AGBL4: variants seen among roughly 807,000 people sequenced by gnomAD.
AGBL4 encodes the protein AGBL carboxypeptidase 4, also known as cytosolic carboxypeptidase 6.
In AGBL4, 58 loss-of-function variants were observed where a neutral mutation model predicts 66.4. That is an observed-to-expected ratio of 0.87 (90% CI 0.71 to 1.09). The LOEUF (loss-of-function observed/expected upper bound fraction) is 1.09, where lower values mean the gene tolerates loss of function less well. Ranked by LOEUF, AGBL4 falls within the 50% of genes least tolerant of loss-of-function variation. The probability of loss-of-function intolerance (pLI) is 0.00; values close to 1 mark genes in which losing one functional copy is unlikely to be tolerated. For missense variants in AGBL4, 579 were observed against 631.0 expected, an observed-to-expected ratio of 0.92 and a Z score of 0.88; for synonymous variants, 234 against 222.9, an observed-to-expected ratio of 1.05 and a Z score of -0.44.
At chr1:48,875,960 T>C (rs1258088647) in intron 5 of AGBL4, among the ~76,000 whole-genome samples, 1 of 152,160 alleles carries the variant, frequency 6.6e-6, no homozygotes, top group Non-Finnish European at 1.5e-5. Flanking sequence ...GGGAAAAATC[T>C]TGGCTTATTC....
intron 6 of AGBL4, among the ~76,000 whole-genome samples, chr1:48,836,037 C>A (rs1480115056): frequency 1.3e-5 from 2 of 151,880 alleles, no homozygotes; most frequent in Non-Finnish European, 2.9e-5. Flanking sequence ...ACGAGTGGTT[C>A]CAGGGACACC....
At chr1:49,733,694 C>T (rs1649635980) in intron 2 of AGBL4, among the ~76,000 whole-genome samples, 1 of 152,062 alleles carries the variant, frequency 6.6e-6, no homozygotes. Context: ...GAGGACTCTG[C>T]CTTCATTAAT....
intron 3 of AGBL4, among the ~76,000 whole-genome samples, chr1:49,349,416 T>C (rs553220820): frequency 6.6e-6 from 1 of 152,300 alleles, no homozygotes; most frequent in African/African-American, 2.4e-5. Flanking sequence ...CCAGGTTCTT[T>C]CCTCCCTTGT....
chr1:49,550,994 T>A (rs1456019434), intron 3 of AGBL4, among the ~76,000 whole-genome samples: 4 of 152,134 alleles, frequency 2.6e-5, no homozygotes, highest in African/African-American at 9.7e-5. Flanking sequence ...TGTTCGGATT[T>A]TCTTATTCTT....
intron 1 of AGBL4, among the ~76,000 whole-genome samples, chr1:49,977,470 TC>T (rs1658663962): frequency 6.6e-6 from 1 of 152,234 alleles, no homozygotes; most frequent in Non-Finnish European, 1.5e-5. Flanking sequence ...TATCAATCAA[TC>T]AACACCATTC....
intron 4 of AGBL4, among the ~76,000 whole-genome samples, chr1:49,211,914 C>T (rs753870374): frequency 6.6e-6 from 1 of 152,108 alleles, no homozygotes; most frequent in Non-Finnish European, 1.5e-5. Flanking sequence ...CTACCATTTG[C>T]TACACGACTA....
chr1:48,700,318 A>G (rs1285994606), intron 6 of AGBL4, among the ~76,000 whole-genome samples: 1 of 152,228 alleles, frequency 6.6e-6, no homozygotes, highest in Non-Finnish European at 1.5e-5. Flanking sequence ...TATCCTGTCC[A>G]TGATGCTCCT....
At position 49,816,582 on chromosome 1, in the gene AGBL4, C is replaced by T. The variant is rs974314222; in HGVS notation, c.157+34814G>A. 1.4e-4 allele frequency among the ~76,000 whole-genome samples: 22 copies of T among 152,070 alleles called. 1 individual carries two copies. Among genetic ancestry groups the T allele is most frequent in the African/African-American group, 2.4e-5 (1 of 41,404 alleles). ...TAGAGGGCAAGGGTTCAGGCAATAA[C>T]CTACGCTTGAAGAGATACTAATTCT... is the stretch of plus-strand genomic sequence containing the variant. On this transcript the variant is annotated intron_variant, in intron 2 of 13. Coordinates refer to ENST00000371839, the MANE Select transcript of AGBL4 (RefSeq NM_032785.4).
intron 1 of AGBL4, among the ~76,000 whole-genome samples, chr1:49,907,864 G>A (rs183659650): frequency 2.0e-5 from 3 of 152,106 alleles, no homozygotes; most frequent in Non-Finnish European, 4.4e-5. Flanking sequence ...CACTTTTCTG[G>A]AGGATGTTGA....
At chr1:48,864,790 T>C (rs571713138) in intron 6 of AGBL4, among the ~76,000 whole-genome samples, 1 of 152,180 alleles carries the variant, frequency 6.6e-6, no homozygotes, top group African/African-American at 2.4e-5. Flanking sequence ...CAAAGATGTA[T>C]TAGGAAGGAG....
At chr1:48,851,108 C>T (rs1486388402) in intron 6 of AGBL4, among the ~76,000 whole-genome samples, 1 of 151,710 alleles carries the variant, frequency 6.6e-6, no homozygotes, top group African/African-American at 2.4e-5. Context: ...ATTATTATCG[C>T]CCCCTGCAGT....
intron 1 of AGBL4, among the ~76,000 whole-genome samples, chr1:49,999,687 T>C (rs1660609534): frequency 6.6e-6 from 1 of 151,496 alleles, no homozygotes; most frequent in African/African-American, 2.4e-5. Context: ...AACTATATCA[T>C]AAGGCCAAAA....
intron 1 of AGBL4, among the ~76,000 whole-genome samples, chr1:49,915,230 A>C (rs973908058): frequency 6.6e-6 from 1 of 152,096 alleles, no homozygotes; most frequent in African/African-American, 2.4e-5. Context: ...CATGTTGGAC[A>C]GTGGGTGCAG....
At chr1:49,254,027 G>C (rs1317938776) in intron 3 of AGBL4, among the ~76,000 whole-genome samples, 1 of 152,076 alleles carries the variant, frequency 6.6e-6, no homozygotes. Flanking sequence ...AAAATAATAA[G>C]AACCATCTAG....
At chr1:49,709,192 G>T (rs1647440179) in intron 2 of AGBL4, among the ~76,000 whole-genome samples, 1 of 152,344 alleles carries the variant, frequency 6.6e-6, no homozygotes, top group Admixed American at 6.5e-5. Context: ...GTCCCAGAAA[G>T]ATGGGAGTTT....
chr1:48,602,976 G>T (rs1199532112), intron 9 of AGBL4, among the ~76,000 whole-genome samples: 1 of 152,204 alleles, frequency 6.6e-6, no homozygotes, highest in Non-Finnish European at 1.5e-5. Context: ...CTGGGTGAAA[G>T]TATGGCTGAA....
intron 1 of AGBL4, among the ~76,000 whole-genome samples, chr1:49,875,578 C>A (rs1270336518): frequency 2.7e-5 from 4 of 147,434 alleles, no homozygotes; most frequent in Non-Finnish European, 6.0e-5. Context: ...TGGGTTGGTT[C>A]CAAGTCTTTG....
chr1:49,843,725 T>C (rs1436715546), intron 2 of AGBL4, among the ~76,000 whole-genome samples: 1 of 152,212 alleles, frequency 6.6e-6, no homozygotes, highest in Non-Finnish European at 1.5e-5. Context: ...GATGTGGGCA[T>C]CTTGGGAAGC....
At chr1:49,513,797 C>G (rs1419437530) in intron 3 of AGBL4, among the ~76,000 whole-genome samples, 1 of 151,946 alleles carries the variant, frequency 6.6e-6, no homozygotes, top group Non-Finnish European at 1.5e-5. Flanking sequence ...TGCGCTGGGT[C>G]AACTGACTGC....
Sources: allele counts gnomAD v4.1 joint callset (sites outside exome capture counted in the v4.1 genomes callset), GRCh38; gene constraint gnomAD v4.1.1; transcripts MANE v1.5; gene names NCBI Gene and HGNC (gene_info 2026-07-23, HGNC 2026-07-21).